GINM1: variants seen among roughly 807,000 people sequenced by gnomAD.
GINM1 encodes the protein glycosylated integral membrane protein 1.
In GINM1, 29 loss-of-function variants were observed where a neutral mutation model predicts 37.8. That is an observed-to-expected ratio of 0.77 (90% CI 0.57 to 1.05). GINM1 has a LOEUF of 1.05. Ranked by LOEUF, GINM1 falls within the 50% of genes least tolerant of loss-of-function variation. The pLI is 0.00. For synonymous variants in GINM1, 143 were observed against 146.2 expected, an observed-to-expected ratio of 0.98 and a Z score of 0.16; for missense variants, 377 against 397.9, an observed-to-expected ratio of 0.95 and a Z score of 0.45.
At chr6:149,582,849 A>G (rs945996203) in intron 7 of GINM1, among the ~76,000 whole-genome samples, 2 of 152,228 alleles carry the variant, frequency 1.3e-5, no homozygotes, top group African/African-American at 4.8e-5. Flanking sequence ...AACTCTGCTA[A>G]GAACTTAAAA....
chr6:149,579,880 G>T lies in GINM1; in HGVS notation c.476G>T (p.Arg159Leu), dbSNP rs202099709. The T allele has an allele frequency of 1.2e-6, 2 of 1,604,656 alleles. No homozygotes were observed. Among genetic ancestry groups the T allele is most frequent in the Non-Finnish European group, 1.7e-6 (2 of 1,173,572 alleles). The change falls in exon 5 of 8, where the codon CGG becomes CTG. Residue 159 changes from arginine (R) to leucine (L), a missense_variant. By Grantham distance (102) the Arg-to-Leu change is moderately radical. Transcript: ENST00000367419. ...GAAATTGATATTTTAGTTAAGAACC[G>T]GGGAGTACTCAGACATTCAAACTAT... ...VTEIDILVKNRGVLRHSNYTL... is the reference protein window; with the variant it reads ...VTEIDILVKNLGVLRHSNYTL...
chr6:149,578,742 A>G lies in GINM1; in HGVS notation c.278-80A>G, dbSNP rs73781237. On this transcript the variant is annotated intron_variant, in intron 3 of 7. Transcript: ENST00000367419. Reference sequence around the variant, plus strand: ...TTTTCAACTGTCTTGTTCCATGTAAATGTCATCAAAATAATCACACTCACT... The same window carrying G: ...TTTTCAACTGTCTTGTTCCATGTAAGTGTCATCAAAATAATCACACTCACT... The G allele has an allele frequency of 8.3e-4, 794 of 960,374 alleles. 6 individuals are homozygous for G. In the African/African-American group the frequency reaches 0.012, roughly 14 times the overall value. 59.5% of individuals were successfully genotyped at this position (960,374 alleles called of 1,614,324 possible).
At chr6:149,576,956 G>A (rs997112010) in intron 3 of GINM1, among the ~76,000 whole-genome samples, 1 of 152,272 alleles carries the variant, frequency 6.6e-6, no homozygotes. Context: ...CTAAGGAGGC[G>A]TCAGGAAGCT....
intron 7 of GINM1, among the ~76,000 whole-genome samples, chr6:149,582,848 A>G (rs914402400): frequency 5.3e-5 from 8 of 152,214 alleles, no homozygotes; most frequent in Non-Finnish European, 1.0e-4. Flanking sequence ...AAACTCTGCT[A>G]AGAACTTAAA....
Position 149,566,591 on chromosome 6 carries a change from G to A in GINM1, c.120+57G>A. ...ACGACTCCGACTCTCCGGGAGGCCC[G>A]GGCTGTCCACAGTGACGCTTCCCAC... On this transcript the variant is annotated intron_variant, in intron 1 of 7. Coordinates refer to ENST00000367419, the MANE Select transcript of GINM1 (RefSeq NM_138785.5). This position sits in a 1 kb window ranked among gnomAD's most constrained non-coding sequence, Gnocchi z 4.4. 1.4e-6 allele frequency: 2 copies of A among 1,426,362 alleles called. No homozygotes were observed. Among genetic ancestry groups the A allele is most frequent in the Admixed American group, 2.6e-5 (1 of 37,968 alleles). The allele number at this position is 1,426,362 out of a possible 1,614,324, so 88.4% of individuals were successfully genotyped here.
chr6:149,587,601 A>G (rs952635377), intron 7 of GINM1, among the ~76,000 whole-genome samples: 2 of 152,196 alleles, frequency 1.3e-5, no homozygotes, highest in African/African-American at 4.8e-5. Flanking sequence ...AGGGCAAGAC[A>G]TGGGGAGGGG....
At chr6:149,588,355 C>G (rs9322188) in intron 7 of GINM1, among the ~76,000 whole-genome samples, 1 of 152,014 alleles carries the variant, frequency 6.6e-6, no homozygotes. Flanking sequence ...CGTAGAGCCT[C>G]TGGCCATTTT....
At chr6:149,567,151 G>A (rs553542699) in intron 1 of GINM1, among the ~76,000 whole-genome samples, 2 of 152,282 alleles carry the variant, frequency 1.3e-5, no homozygotes, top group East Asian at 1.9e-4. Context: ...CTCTGGGGGC[G>A]GGGCCCAGCA....
chr6:149,573,012 T>A lies in GINM1; in HGVS notation c.277+409T>A, dbSNP rs148075155. Among the ~76,000 whole-genome samples the A allele has an allele frequency of 1.8e-4, 27 of 152,288 alleles. No homozygotes were observed. The East Asian group carries it at 5.2e-3, about 29-fold the overall frequency. On this transcript the variant is annotated intron_variant, in intron 3 of 7. Coordinates refer to ENST00000367419, the MANE Select transcript of GINM1 (RefSeq NM_138785.5). ...AAATTAGCAAAACAATTTTTGGATG[T>A]TATATATTTCCATTTTAAAGTAAAA... is the stretch of plus-strand genomic sequence containing the variant.
chr6:149,585,259 C>T (rs1182076468), intron 7 of GINM1, among the ~76,000 whole-genome samples: 2 of 152,130 alleles, frequency 1.3e-5, no homozygotes, highest in Non-Finnish European at 2.9e-5. Context: ...GCAGATACTT[C>T]CTGGTAGAAA....
intron 7 of GINM1, among the ~76,000 whole-genome samples, 198 bp downstream of exon 7, chr6:149,582,801 C>A (rs1268351650): frequency 6.6e-6 from 1 of 152,014 alleles, no homozygotes; most frequent in African/African-American, 2.4e-5. Context: ...CTATTGTGAT[C>A]AAGACATTCT....
At position 149,572,550 on chromosome 6, in the gene GINM1, A is replaced by G. The variant is rs373801091; in HGVS notation, c.224A>G (p.Asn75Ser). Residue 75 changes from asparagine to serine, a missense_variant, in exon 3 of 8, where the codon AAT (asparagine) becomes AGT (serine). By Grantham distance (46) the Asn-to-Ser change is conservative. Transcript: ENST00000367419. ...ITYESGQVYV[N>S]DLPVNSGVTR... ...TATGAGAGTGGACAGGTGTATGTAAATGACTTACCTGTAAATAGTGGTGTA... is the reference window on the plus strand; with the variant it reads ...TATGAGAGTGGACAGGTGTATGTAAGTGACTTACCTGTAAATAGTGGTGTA... 18 of 1,608,344 alleles carry G rather than the reference A, an allele frequency of 1.1e-5. No homozygotes were observed. The African/African-American group carries it at 2.4e-4, about 22-fold the overall frequency.
chr6:149,590,668 C>CA, intron 7 of GINM1, 59 bp from the exon 8 acceptor site: 1 of 896,640 alleles, frequency 1.1e-6, no homozygotes, highest in Admixed American at 2.0e-5. Context: ...TTCTCACTAT[C>CA]AAACTACAGG....
At position 149,578,816 on chromosome 6, in the gene GINM1, T is replaced by A; in HGVS notation, c.278-6T>A. On this transcript the variant is annotated splice_polypyrimidine_tract_variant and splice_region_variant and intron_variant, in intron 3 of 7. Transcript: ENST00000367419. ...TTCAAAGGTGTCACTACTTTTTTTT[T>A]TATAGTGAAGAATGAAAATCTTGAA... 2.6e-6 allele frequency: 4 copies of A among 1,543,056 alleles called. No homozygotes were observed. The highest frequency in any genetic ancestry group is 1.4e-5 in the African/African-American group (1 of 72,502).
intron 7 of GINM1, among the ~76,000 whole-genome samples, chr6:149,585,044 C>A (rs758446852): frequency 7.2e-5 from 11 of 152,064 alleles, no homozygotes; most frequent in Non-Finnish European, 1.3e-4. Context: ...GGATGCTTGA[C>A]CTGTAATAAA....
In GINM1 at chr6:149,566,594, C is replaced by A. The variant is rs1777721835; in HGVS notation, c.120+60C>A. On this transcript the variant is annotated intron_variant, in intron 1 of 7. Coordinates refer to ENST00000367419, the MANE Select transcript of GINM1 (RefSeq NM_138785.5). This position sits in a 1 kb window ranked among gnomAD's most constrained non-coding sequence, Gnocchi z 4.4. ...ACTCCGACTCTCCGGGAGGCCCGGG[C>A]TGTCCACAGTGACGCTTCCCACATC... 3 of 1,422,512 alleles carry A rather than the reference C, an allele frequency of 2.1e-6. No homozygotes were observed. In the East Asian group the frequency reaches 8.9e-5, roughly 42 times the overall value. 88.1% of individuals were successfully genotyped at this position (1,422,512 alleles called of 1,614,324 possible).
chr6:149,568,123 A>G (rs1197505186), intron 1 of GINM1, among the ~76,000 whole-genome samples: 1 of 152,220 alleles, frequency 6.6e-6, no homozygotes, highest in African/African-American at 2.4e-5. Flanking sequence ...AAATTCACAT[A>G]TTACGCTGGG....
At chr6:149,574,154 G>A (rs1308903335) in intron 3 of GINM1, among the ~76,000 whole-genome samples, 1 of 150,800 alleles carries the variant, frequency 6.6e-6, no homozygotes, top group East Asian at 1.9e-4. Flanking sequence ...GGGTTCAAGT[G>A]ATTCTCCTGC....
intron 7 of GINM1, among the ~76,000 whole-genome samples, chr6:149,587,658 C>T (rs1472783693): frequency 6.6e-6 from 1 of 152,188 alleles, no homozygotes; most frequent in African/African-American, 2.4e-5. Flanking sequence ...CACCTCTATC[C>T]AGGTCCCATA....
Sources: gnomAD v4.1 joint callset for allele counts (sites outside exome capture counted in the v4.1 genomes callset) on GRCh38, gnomAD v4.1.1 for gene constraint, Gnocchi (gnomAD v3.1) non-coding constraint, MANE v1.5 for transcripts, NCBI Gene and HGNC (gene_info 2026-07-23, HGNC 2026-07-21) for gene names.